Variants in SCMH1 observed in about 807,000 individuals in gnomAD.
The protein encoded by SCMH1 is Scm polycomb group protein homolog 1, also known as polycomb protein SCMH1.
In SCMH1, 37 loss-of-function variants were observed where a neutral mutation model predicts 70.8. The ratio of observed to expected loss-of-function variants is 0.52; its 90% CI spans 0.40 to 0.69. The LOEUF (loss-of-function observed/expected upper bound fraction) is 0.69. Among genes scored for constraint, SCMH1 ranks in the 30% least tolerant of loss-of-function variants. SCMH1 has a pLI of 0.00. For synonymous variants in SCMH1, 292 were observed against 307.4 expected, an observed-to-expected ratio of 0.95 and a Z score of 0.52; for missense variants, 607 against 827.3, an observed-to-expected ratio of 0.73 and a Z score of 3.27.
At chr1:41,124,644 G>A (rs774479657) in intron 6 of SCMH1, among the ~76,000 whole-genome samples, 4 of 151,912 alleles carry the variant, frequency 2.6e-5, no homozygotes, top group African/African-American at 9.7e-5. Flanking sequence ...GTCTTTCTCT[G>A]TTGCCCAGGC....
intron 1 of SCMH1, among the ~76,000 whole-genome samples, chr1:41,219,155 A>C (rs1658713016): frequency 6.6e-6 from 1 of 152,220 alleles, no homozygotes; most frequent in African/African-American, 2.4e-5. Context: ...ATTTGTGAAC[A>C]CACTGACATG....
chr1:41,172,868 GA>G (rs1458982399), intron 2 of SCMH1, among the ~76,000 whole-genome samples: 1 of 152,060 alleles, frequency 6.6e-6, no homozygotes, highest in Non-Finnish European at 1.5e-5. Flanking sequence ...ATAGTGCTGG[GA>G]AAACTGGATA....
At chr1:41,042,671 C>T (rs1646348984) in intron 12 of SCMH1, among the ~76,000 whole-genome samples, 1 of 152,130 alleles carries the variant, frequency 6.6e-6, no homozygotes, top group Admixed American at 6.5e-5. Flanking sequence ...TTACCATACT[C>T]CTTGCTCATC....
intron 10 of SCMH1, among the ~76,000 whole-genome samples, chr1:41,055,358 C>CTT (rs3216616): frequency 2.0e-5 from 3 of 151,120 alleles, no homozygotes; most frequent in South Asian, 2.1e-4. Flanking sequence ...TTCGGAATTT[C>CTT]TTTTTTTTTG....
At chr1:41,232,726 T>C (rs1343091372) in intron 1 of SCMH1, among the ~76,000 whole-genome samples, 2 of 152,234 alleles carry the variant, frequency 1.3e-5, no homozygotes, top group Non-Finnish European at 2.9e-5. Flanking sequence ...ATTTGACAGA[T>C]ACTCAAAAAA....
intron 2 of SCMH1, among the ~76,000 whole-genome samples, chr1:41,175,653 G>C (rs1181903104): frequency 1.3e-5 from 2 of 152,000 alleles, no homozygotes; most frequent in African/African-American, 2.4e-5. Context: ...CTCAATTAAG[G>C]GTGCTTTACA....
At chr1:41,236,532 G>A (rs1221687946) in intron 1 of SCMH1, among the ~76,000 whole-genome samples, 1 of 152,172 alleles carries the variant, frequency 6.6e-6, no homozygotes, top group Admixed American at 6.5e-5. Flanking sequence ...ATAACAGTAT[G>A]GAAGACAGAC....
At chr1:41,164,073 C>A (rs1450710057) in intron 2 of SCMH1, among the ~76,000 whole-genome samples, 1 of 152,112 alleles carries the variant, frequency 6.6e-6, no homozygotes, top group Non-Finnish European at 1.5e-5. Flanking sequence ...TAATTTCTTG[C>A]CCAGCTCAGA....
chr1:41,158,456 G>A (rs1013751548), intron 4 of SCMH1, among the ~76,000 whole-genome samples: 1 of 152,118 alleles, frequency 6.6e-6, no homozygotes, highest in Non-Finnish European at 1.5e-5. Context: ...AAGTGTAAAA[G>A]GATAAGCAGG....
At chr1:41,167,344 C>T (rs1474292808) in intron 2 of SCMH1, among the ~76,000 whole-genome samples, 1 of 152,066 alleles carries the variant, frequency 6.6e-6, no homozygotes, top group Non-Finnish European at 1.5e-5. Flanking sequence ...CTTGTTGTAT[C>T]TTTGTCTGGC....
At chr1:41,027,984 C>T in exon 15 of SCMH1, 1 of 592,788 alleles carries the variant, frequency 1.7e-6, no homozygotes, top group South Asian at 2.1e-5. Flanking sequence ...AGAGCAGCAC[C>T]AGCCCTGGAC....
At chr1:41,122,628 T>C (rs1672227100) in intron 6 of SCMH1, among the ~76,000 whole-genome samples, 1 of 152,204 alleles carries the variant, frequency 6.6e-6, no homozygotes, top group South Asian at 2.1e-4. Context: ...TGGGGAAGAA[T>C]TTATTAATCA....
intron 8 of SCMH1, among the ~76,000 whole-genome samples, chr1:41,088,242 A>G (rs1345284523): frequency 6.6e-6 from 1 of 152,148 alleles, no homozygotes; most frequent in Non-Finnish European, 1.5e-5. Flanking sequence ...TGGAGGATAA[A>G]CCAGAAAATA....
At position 41,153,963 on chromosome 1, in the gene SCMH1, T is replaced by G. The variant is rs770871013; in HGVS notation, c.107-2279A>C. Among the ~76,000 whole-genome samples the G allele has an allele frequency of 3.4e-4, 52 of 152,286 alleles. 1 individual carries two copies. The highest frequency in any genetic ancestry group is 7.4e-4 in the Non-Finnish European group (50 of 68,020). On this transcript the variant is annotated intron_variant, in intron 4 of 14. Transcript: ENST00000337495. Reference sequence around the variant, plus strand: ...TGTTAAGGACAATATAATAAAAATTTTATGCTTTCTAGGCCATACAGTCTA... The same window carrying G: ...TGTTAAGGACAATATAATAAAAATTGTATGCTTTCTAGGCCATACAGTCTA...
At chr1:41,069,141 G>GTA (rs1393190219) in intron 10 of SCMH1, among the ~76,000 whole-genome samples, 1 of 152,122 alleles carries the variant, frequency 6.6e-6, no homozygotes, top group Non-Finnish European at 1.5e-5. Context: ...AGTAATCACG[G>GTA]TATACTACAT....
chr1:41,176,521 C>A (rs550214077), intron 2 of SCMH1, among the ~76,000 whole-genome samples: 1 of 152,198 alleles, frequency 6.6e-6, no homozygotes, highest in East Asian at 1.9e-4. Flanking sequence ...GGGTGACAGA[C>A]GGCACCTGGA....
chr1:41,126,881 G>A (rs1003444300), intron 6 of SCMH1, among the ~76,000 whole-genome samples: 2 of 152,022 alleles, frequency 1.3e-5, no homozygotes, highest in Non-Finnish European at 2.9e-5. Context: ...AATTCCTGAA[G>A]TGGGATCCCT....
intron 1 of SCMH1, among the ~76,000 whole-genome samples, chr1:41,190,156 T>C (rs1393512998): frequency 6.6e-6 from 1 of 152,194 alleles, no homozygotes; most frequent in Non-Finnish European, 1.5e-5. Context: ...CTAGGTCCTA[T>C]ATTTTGAATG....
chr1:41,172,273 A>G (rs1017851737), intron 2 of SCMH1, among the ~76,000 whole-genome samples: 1 of 152,182 alleles, frequency 6.6e-6, no homozygotes, highest in Admixed American at 6.5e-5. Flanking sequence ...TCAACATATA[A>G]AAATCAGTAG....
Sources: gnomAD v4.1 joint callset for allele counts (sites outside exome capture counted in the v4.1 genomes callset) on GRCh38, gnomAD v4.1.1 for gene constraint, MANE v1.5 for transcripts, NCBI Gene and HGNC (gene_info 2026-07-23, HGNC 2026-07-21) for gene names.